COL23A1: variants seen among roughly 807,000 people sequenced by gnomAD.
The protein encoded by COL23A1 is collagen alpha-1(XXIII) chain.
In COL23A1, 97 loss-of-function variants were observed where a neutral mutation model predicts 99.3. That is an observed-to-expected ratio of 0.98 (90% CI 0.83 to 1.16). The LOEUF (loss-of-function observed/expected upper bound fraction) is 1.16. Among genes scored for constraint, COL23A1 ranks in the 50% most tolerant of loss-of-function variants. The pLI is 0.00. For missense variants in COL23A1, 762 were observed against 757.4 expected (o/e 1.01, Z -0.07); for synonymous variants, 320 against 308.2 (o/e 1.04, Z -0.40).
intron 2 of COL23A1, among the ~76,000 whole-genome samples, chr5:178,507,148 T>C (rs1425346840): frequency 6.6e-6 from 1 of 152,196 alleles, no homozygotes; most frequent in East Asian, 1.9e-4. Flanking sequence ...CTTTTTCTTA[T>C]ATAAAAGGCA....
chr5:178,520,382 A>G (rs980925807), intron 2 of COL23A1, among the ~76,000 whole-genome samples: 1 of 152,186 alleles, frequency 6.6e-6, no homozygotes, highest in Admixed American at 6.5e-5. Flanking sequence ...CCAACACCTC[A>G]TACGACTCCT....
intron 2 of COL23A1, among the ~76,000 whole-genome samples, chr5:178,402,247 T>C (rs1377215702): frequency 6.6e-6 from 1 of 152,154 alleles, no homozygotes; most frequent in Non-Finnish European, 1.5e-5. Flanking sequence ...TCCTAGCTCC[T>C]AGGGAGGCTG....
chr5:178,524,263 C>T (rs189943275), intron 2 of COL23A1, among the ~76,000 whole-genome samples: 62 of 152,328 alleles, frequency 4.1e-4, no homozygotes, highest in Middle Eastern at 3.4e-3. Flanking sequence ...CCCAGGGGAG[C>T]CCTCTTCACA....
intron 11 of COL23A1, 133 bp from the exon 12 acceptor site, chr5:178,259,880 A>G: frequency 1.4e-6 from 1 of 724,882 alleles, no homozygotes; most frequent in South Asian, 2.5e-5. Context: ...AGACCCCTGA[A>G]TGCTTCAGAG....
chr5:178,304,292 T>A (rs1325626934), intron 3 of COL23A1, among the ~76,000 whole-genome samples: 1 of 152,098 alleles, frequency 6.6e-6, no homozygotes, highest in African/African-American at 2.4e-5. Context: ...GCGGATCACT[T>A]GAGGCCAGGT....
chr5:178,451,186 C>T (rs918374207), intron 2 of COL23A1, among the ~76,000 whole-genome samples: 3 of 152,156 alleles, frequency 2.0e-5, no homozygotes, highest in Non-Finnish European at 4.4e-5. Context: ...CTGGTATTTT[C>T]AAGACAAAAC....
At chr5:178,403,959 G>A (rs1040039103) in intron 2 of COL23A1, among the ~76,000 whole-genome samples, 1 of 152,196 alleles carries the variant, frequency 6.6e-6, no homozygotes, top group Non-Finnish European at 1.5e-5. Flanking sequence ...AAAGAATGAC[G>A]GATTTTTCTA....
At chr5:178,344,936 A>C in intron 2 of COL23A1, 1 of 659,812 alleles carries the variant, frequency 1.5e-6, no homozygotes, top group East Asian at 4.1e-5. Context: ...TCGATCCAGA[A>C]AAGAGAAAGT....
At chr5:178,249,722 T>TCTCTCC (rs1764926295) in intron 18 of COL23A1, among the ~76,000 whole-genome samples, 1 of 46,308 alleles carries the variant, frequency 2.2e-5, no homozygotes, top group Non-Finnish European at 5.1e-5. Flanking sequence ...ACACACTCTC[T>TCTCTCC]CTCTCTCTCT....
At chr5:178,422,229 C>T (rs1329939198) in intron 2 of COL23A1, among the ~76,000 whole-genome samples, 1 of 152,174 alleles carries the variant, frequency 6.6e-6, no homozygotes, top group East Asian at 1.9e-4. Context: ...GTGCAAGGAA[C>T]ATGCTGTCTG....
chr5:178,342,174 C>T (rs1760708356), intron 2 of COL23A1, among the ~76,000 whole-genome samples: 3 of 152,200 alleles, frequency 2.0e-5, no homozygotes, highest in Admixed American at 2.0e-4. Flanking sequence ...GGCTGCAGTT[C>T]CCACATGGCC....
chr5:178,277,492 T>C (rs757270018), intron 5 of COL23A1, among the ~76,000 whole-genome samples: 4 of 152,250 alleles, frequency 2.6e-5, no homozygotes, highest in African/African-American at 4.8e-5. Context: ...CAGACCCTGG[T>C]CCACAGGCTC....
chr5:178,550,842 G>C (rs1035377879), intron 2 of COL23A1, among the ~76,000 whole-genome samples: 8 of 152,148 alleles, frequency 5.3e-5, no homozygotes, highest in Admixed American at 4.6e-4. Flanking sequence ...GACAGCTCTG[G>C]TCTTGTCTTC....
intron 16 of COL23A1, 147 bp from the exon 17 acceptor site, chr5:178,252,744 G>A: frequency 1.5e-6 from 1 of 651,764 alleles, no homozygotes; most frequent in East Asian, 2.9e-5. Context: ...TCCCCAGTCA[G>A]GTCAGGCCAC....
intron 2 of COL23A1, among the ~76,000 whole-genome samples, chr5:178,379,881 CAA>C (rs71587651): frequency 2.0e-4 from 22 of 109,440 alleles, no homozygotes; most frequent in Admixed American, 1.9e-4. Context: ...AACTCCATCT[CAA>C]AAAAAAAAAA....
At chr5:178,528,923 C>T (rs1255358923) in intron 2 of COL23A1, among the ~76,000 whole-genome samples, 3 of 152,210 alleles carry the variant, frequency 2.0e-5, no homozygotes, top group Admixed American at 1.3e-4. Flanking sequence ...AGCTGTCTTG[C>T]CACTGCTTAG....
intron 2 of COL23A1, among the ~76,000 whole-genome samples, chr5:178,403,712 T>A (rs187040190): frequency 6.6e-6 from 1 of 152,386 alleles, no homozygotes; most frequent in African/African-American, 2.4e-5. Flanking sequence ...TAACCATTGT[T>A]TGAAGCCGCT....
At position 178,249,716 on chromosome 5, in the gene COL23A1, A is replaced by ACTCACT. The variant is rs1554125190; in HGVS notation, c.1059+344_1059+345insAGTGAG. Reference sequence around the variant, plus strand: ...CACACACACACACACACACACACACACTCTCTCTCTCTCTCTCTCTCTCTC... The same window carrying ACTCACT: ...CACACACACACACACACACACACACACTCACTCTCTCTCTCTCTCTCTCTCTCTCTC... On this transcript the variant is annotated intron_variant, in intron 18 of 28. Transcript: ENST00000390654. 6.5e-5 allele frequency among the ~76,000 whole-genome samples: 6 copies of ACTCACT among 92,750 alleles called. 1 individual carries two copies. The highest frequency in any genetic ancestry group is 4.2e-4 in the South Asian group (1 of 2,388). The allele number at this position is 92,750 out of a possible 152,430, so 60.8% of individuals were successfully genotyped here. A position where few individuals can be genotyped will look rare whatever the true frequency, so the allele number is the denominator to read the frequency against.
At chr5:178,487,545 T>C (rs116275906) in intron 2 of COL23A1, among the ~76,000 whole-genome samples, 5,630 of 152,096 alleles carry the variant, frequency 0.037, 232 homozygotes, top group African/African-American at 0.1. Flanking sequence ...AACTTTAAAA[T>C]GGGGTGAAAT....
Sources: gnomAD v4.1 joint callset for allele counts (sites outside exome capture counted in the v4.1 genomes callset) on GRCh38, gnomAD v4.1.1 for gene constraint, MANE v1.5 for transcripts, NCBI Gene and HGNC (gene_info 2026-07-23, HGNC 2026-07-21) for gene names.